Variants in KIF6 observed in about 807,000 individuals in gnomAD.
The protein encoded by KIF6 is kinesin family member 6.
Under a neutral mutation model 112.7 loss-of-function variants are expected in KIF6, and 106 were observed. The ratio of observed to expected loss-of-function variants is 0.94; its 90% CI spans 0.80 to 1.11. The LOEUF (loss-of-function observed/expected upper bound fraction) is 1.11. KIF6 is among the 50% of genes least tolerant of loss of function. KIF6 has a pLI of 0.00. For synonymous variants in KIF6, 339 were observed against 339.9 expected (o/e 1.00, Z 0.03); for missense variants, 929 against 964.0 (o/e 0.96, Z 0.48).
At chr6:39,604,907 G>C (rs4446569) in intron 6 of KIF6, among the ~76,000 whole-genome samples, 9,400 of 152,128 alleles carry the variant, frequency 0.062, 522 homozygotes, top group East Asian at 0.29. Context: ...TTCTGTTGAA[G>C]TTTCCTCTGT....
intron 5 of KIF6, among the ~76,000 whole-genome samples, chr6:39,622,576 T>C (rs925244290): frequency 6.6e-6 from 1 of 152,176 alleles, no homozygotes; most frequent in Non-Finnish European, 1.5e-5. Context: ...ATGATGCAGT[T>C]TGCCTGTATG....
chr6:39,428,603 G>C (rs913739680), intron 14 of KIF6, among the ~76,000 whole-genome samples: 1 of 152,014 alleles, frequency 6.6e-6, no homozygotes, highest in African/African-American at 2.4e-5. Context: ...CCCATGCCCT[G>C]CTCCCATTCT....
chr6:39,703,529 A>G (rs1789007706), intron 3 of KIF6, among the ~76,000 whole-genome samples: 1 of 152,150 alleles, frequency 6.6e-6, no homozygotes, highest in Non-Finnish European at 1.5e-5. Flanking sequence ...AAAATAATAT[A>G]TATTCTTAGT....
intron 13 of KIF6, among the ~76,000 whole-genome samples, chr6:39,480,837 T>C (rs868845521): frequency 6.6e-6 from 1 of 152,212 alleles, no homozygotes; most frequent in South Asian, 2.1e-4. Context: ...TTCTAGTTTA[T>C]GTGCATAAAG....
intron 21 of KIF6, among the ~76,000 whole-genome samples, chr6:39,344,613 C>T (rs72858494): frequency 0.059 from 8,966 of 152,176 alleles, 315 homozygotes; most frequent in African/African-American, 0.066. Context: ...TGCTTTCTCT[C>T]GCTGCCTTCT....
At chr6:39,443,754 C>T (rs1202601775) in intron 13 of KIF6, among the ~76,000 whole-genome samples, 2 of 151,992 alleles carry the variant, frequency 1.3e-5, no homozygotes, top group African/African-American at 4.8e-5. Context: ...AATTTTCATA[C>T]ATTTTAAAAA....
intron 3 of KIF6, among the ~76,000 whole-genome samples, chr6:39,711,850 G>C (rs146417168): frequency 1.7e-4 from 26 of 152,242 alleles, no homozygotes; most frequent in South Asian, 1.0e-3. Flanking sequence ...TAGAGGTATA[G>C]GAGAGGCAAA....
chr6:39,609,547 G>A (rs1475945379), intron 6 of KIF6, among the ~76,000 whole-genome samples: 1 of 152,124 alleles, frequency 6.6e-6, no homozygotes, highest in Non-Finnish European at 1.5e-5. Context: ...GGGGTCAACG[G>A]ATCAATCAGA....
At chr6:39,535,216 T>C (rs1778348631) in intron 13 of KIF6, among the ~76,000 whole-genome samples, 1 of 152,142 alleles carries the variant, frequency 6.6e-6, no homozygotes. Flanking sequence ...ATAACAATAC[T>C]AACTTTAAAT....
chr6:39,567,110 G>T (rs1039363238), intron 10 of KIF6, among the ~76,000 whole-genome samples: 1 of 152,140 alleles, frequency 6.6e-6, no homozygotes, highest in Non-Finnish European at 1.5e-5. Flanking sequence ...AGCTTGAAAA[G>T]ACTTCTATAA....
At chr6:39,713,000 T>C (rs1195260474) in intron 3 of KIF6, among the ~76,000 whole-genome samples, 9 of 151,902 alleles carry the variant, frequency 5.9e-5, no homozygotes, top group Admixed American at 3.9e-4. Flanking sequence ...ATAAATAAAG[T>C]CAAATAGGGA....
intron 13 of KIF6, among the ~76,000 whole-genome samples, chr6:39,509,213 C>A (rs1276510296): frequency 6.6e-6 from 1 of 152,184 alleles, no homozygotes; most frequent in East Asian, 1.9e-4. Context: ...CACCCCAAAA[C>A]CCCATCCGTA....
chr6:39,520,296 C>T (rs1777317316), intron 13 of KIF6, among the ~76,000 whole-genome samples: 1 of 152,130 alleles, frequency 6.6e-6, no homozygotes, highest in Non-Finnish European at 1.5e-5. Flanking sequence ...ATAAGACCCA[C>T]TTATAGGAAA....
chr6:39,433,970 G>A (rs1581847926), intron 13 of KIF6, among the ~76,000 whole-genome samples: 1 of 152,146 alleles, frequency 6.6e-6, no homozygotes, highest in African/African-American at 2.4e-5. Context: ...TTAATGAACG[G>A]CTTTTATTTA....
chr6:39,343,435 A>G lies in KIF6; in HGVS notation c.2428+274T>C. The G allele has an allele frequency of 7.1e-7, 1 of 1,414,398 alleles. No individual in the cohort carries two copies. Among genetic ancestry groups the G allele is most frequent in the Non-Finnish European group, 9.3e-7 (1 of 1,069,742 alleles). 87.6% of individuals were successfully genotyped at this position (1,414,398 alleles called of 1,614,324 possible). A position where few individuals can be genotyped will look rare whatever the true frequency, so the allele number is the denominator to read the frequency against. On this transcript the variant is annotated intron_variant, in intron 22 of 22. Transcript: ENST00000287152. The surrounding 1 kb of genome is among the most constrained non-coding windows in gnomAD (Gnocchi z 4.1). ...GGAACAGAGAACAAAGGAGCTGAAG[A>G]TCTGGAAGAGACAGAGAGCAAGCTC...
intron 3 of KIF6, among the ~76,000 whole-genome samples, chr6:39,668,354 G>GA (rs531973770): frequency 6.6e-6 from 1 of 151,996 alleles, no homozygotes; most frequent in Non-Finnish European, 1.5e-5. Flanking sequence ...CTTTTTAGGA[G>GA]AAAAAAATAA....
chr6:39,656,868 CTCT>C (rs372132168), intron 3 of KIF6, among the ~76,000 whole-genome samples: 2 of 152,278 alleles, frequency 1.3e-5, no homozygotes, highest in East Asian at 3.9e-4. Flanking sequence ...AGAATGGAGG[CTCT>C]TCTTCTATGT....
chr6:39,685,789 A>G (rs1787832171), intron 3 of KIF6, among the ~76,000 whole-genome samples: 1 of 152,240 alleles, frequency 6.6e-6, no homozygotes, highest in African/African-American at 2.4e-5. Flanking sequence ...AGTAGTTGCC[A>G]GCAGACAGAA....
At chr6:39,664,910 G>A (rs2150819199) in intron 3 of KIF6, among the ~76,000 whole-genome samples, 1 of 152,098 alleles carries the variant, frequency 6.6e-6, no homozygotes. Context: ...ATTTATTTGA[G>A]AAACACAAAA....
Sources: gnomAD v4.1 joint callset for allele counts (sites outside exome capture counted in the v4.1 genomes callset) on GRCh38, gnomAD v4.1.1 for gene constraint, Gnocchi (gnomAD v3.1) non-coding constraint, MANE v1.5 for transcripts, NCBI Gene and HGNC (gene_info 2026-07-23, HGNC 2026-07-21) for gene names.